The following FER1L6 variants were observed in gnomAD, a reference collection of about 807,000 sequenced individuals.
FER1L6 encodes fer-1-like protein 6.
Under a neutral mutation model 219.2 loss-of-function variants are expected in FER1L6, and 177 were observed. The ratio of observed to expected loss-of-function variants is 0.81; its 90% CI spans 0.71 to 0.91. FER1L6 has a LOEUF of 0.91. Ranked by LOEUF, FER1L6 falls within the 40% of genes least tolerant of loss-of-function variation. FER1L6 has a pLI of 0.00. For missense variants in FER1L6, 2,153 were observed against 2,259.9 expected (o/e 0.95, Z 0.96); for synonymous variants, 768 against 824.3 (o/e 0.93, Z 1.17).
chr8:123,956,290 G>T (rs1424017913), intron 2 of FER1L6, among the ~76,000 whole-genome samples: 1 of 152,238 alleles, frequency 6.6e-6, no homozygotes, highest in African/African-American at 2.4e-5. Context: ...GGCATGTAAG[G>T]GGTCCCTGTG....
intron 1 of FER1L6, among the ~76,000 whole-genome samples, chr8:123,872,469 T>C (rs1816941331): frequency 6.6e-6 from 1 of 152,118 alleles, no homozygotes; most frequent in Admixed American, 6.6e-5. Context: ...GGTAGTTAAA[T>C]GTAATGGGGT....
rs1266129283 is a variant in FER1L6 at position 124,035,320 on chromosome 8, T to C, written c.2330T>C (p.Val777Ala). 1 of 1,614,128 alleles carries C rather than the reference T, an allele frequency of 6.2e-7. No individual in the cohort carries two copies. Among genetic ancestry groups the C allele is most frequent in the East Asian group, 2.2e-5 (1 of 44,884 alleles). The change falls in exon 19 of 41, where the codon GTC becomes GCC. Residue 777 changes from valine to alanine, a missense_variant. Val to Ala is a moderately conservative substitution (Grantham distance 64). Coordinates refer to ENST00000522917, the MANE Select transcript of FER1L6 (RefSeq NM_001039112.2). ...GCTGGTTGGTCTGTGCAAGCAAAAG[T>C]CGACGTGTACCTGTGGCTGGGCTCC... The part of the protein sequence containing the change: ...RPAGWSVQAK[V>A]DVYLWLGSIK...
intron 1 of FER1L6, among the ~76,000 whole-genome samples, chr8:123,898,846 T>TAC (rs200448205): frequency 7.1e-5 from 9 of 126,802 alleles, no homozygotes; most frequent in South Asian, 2.6e-4. Context: ...TACATACATA[T>TAC]ATACACACAC....
chr8:123,935,958 A>AT (rs1475576750), intron 1 of FER1L6, among the ~76,000 whole-genome samples: 1 of 151,966 alleles, frequency 6.6e-6, no homozygotes, highest in Non-Finnish European at 1.5e-5. Flanking sequence ...AAAAAAAAAA[A>AT]AAAATCAAAT....
intron 18 of FER1L6, among the ~76,000 whole-genome samples, chr8:124,027,365 G>A (rs1219856625): frequency 6.6e-6 from 1 of 152,106 alleles, no homozygotes; most frequent in African/African-American, 2.4e-5. Flanking sequence ...TTCATTAAAT[G>A]GAGATCATGG....
chr8:124,093,174 A>G (rs1822120532), intron 34 of FER1L6, among the ~76,000 whole-genome samples: 1 of 152,016 alleles, frequency 6.6e-6, no homozygotes, highest in African/African-American at 2.4e-5. Context: ...TATCACGAGA[A>G]CAGCACTAGG....
intron 6 of FER1L6, among the ~76,000 whole-genome samples, chr8:123,971,913 T>C (rs1220092905): frequency 6.6e-6 from 1 of 152,192 alleles, no homozygotes; most frequent in African/African-American, 2.4e-5. Flanking sequence ...CACACCAGGA[T>C]TGCCTGGCAC....
Position 123,905,066 on chromosome 8 carries a change from C to T in FER1L6, c.-7-50926C>T, listed in dbSNP as rs150149767. On this transcript the variant is annotated intron_variant, in intron 1 of 40. Transcript: ENST00000522917. ...TTCATTTTAGCTAGGATCTAGGAAA[C>T]TAATTCAATCCCACTTAAATTTTTT... Among the ~76,000 whole-genome samples the T allele has an allele frequency of 6.6e-3, 999 of 152,276 alleles. 7 individuals are homozygous for T. The highest frequency in any genetic ancestry group is 0.023 in the African/African-American group (937 of 41,554).
chr8:123,860,067 T>C (rs1017913023), intron 1 of FER1L6, among the ~76,000 whole-genome samples: 3 of 142,908 alleles, frequency 2.1e-5, no homozygotes, highest in Non-Finnish European at 4.5e-5. Flanking sequence ...GCCATGCTGG[T>C]GCACTGCACC....
At chr8:123,904,224 T>TG in intron 1 of FER1L6, among the ~76,000 whole-genome samples, 1 of 139,486 alleles carries the variant, frequency 7.2e-6, no homozygotes, top group African/African-American at 2.7e-5. Flanking sequence ...CTCTGTATAT[T>TG]TGTGTGTGTG....
intron 1 of FER1L6, among the ~76,000 whole-genome samples, chr8:123,864,833 A>G (rs1201297030): frequency 3.3e-5 from 5 of 150,312 alleles, no homozygotes; most frequent in Non-Finnish European, 7.4e-5. Flanking sequence ...CAGCTCCATC[A>G]TCTCCTTTAA....
chr8:124,116,435 C>G (rs1297141500), intron 39 of FER1L6, among the ~76,000 whole-genome samples: 2 of 144,562 alleles, frequency 1.4e-5, no homozygotes, highest in Admixed American at 7.0e-5. Context: ...TATAAAGTGC[C>G]ATAGCCAAAA....
In FER1L6 at chr8:124,109,347, T is replaced by A. The variant is rs370163894; in HGVS notation, c.5289+6038T>A. ...GGCTTTCCAGTTGATTGGCACCATC[T>A]TATCAGTTCTTTACTGTACACGTGG... On this transcript the variant is annotated intron_variant, in intron 39 of 40. Transcript: ENST00000522917. Among the ~76,000 whole-genome samples the A allele has an allele frequency of 2.2e-4, 33 of 152,298 alleles. No individual in the cohort carries two copies. In the South Asian group the frequency reaches 6.8e-3, roughly 32 times the overall value.
Position 124,045,787 on chromosome 8 carries a change from T to G in FER1L6, c.2610T>G (p.Ser870=), listed in dbSNP as rs1350262172. 1 of 1,614,106 alleles carries G rather than the reference T, an allele frequency of 6.2e-7. No individual in the cohort carries two copies. The highest frequency in any genetic ancestry group is 1.1e-5 in the South Asian group (1 of 91,082). Residue 870 remains serine, a synonymous_variant, in exon 21 of 41, where the codon TCT becomes TCG. Transcript: ENST00000522917. ...TCCAGATAATCTCCCAGACCCTCTC[T>G]CCGACCTGGAACCAGATGCTGCTGT... ...QTTKIISQTL[S]PTWNQMLLFN...
intron 1 of FER1L6, chr8:123,924,680 A>G (rs1813496488): frequency 6.6e-6 from 1 of 152,172 alleles, no homozygotes. Flanking sequence ...TATATAATAC[A>G]TTTTCTCTGC....
intron 17 of FER1L6, 33 bp from the exon 18 acceptor site, chr8:124,023,411 C>G: frequency 1.2e-6 from 2 of 1,602,484 alleles, no homozygotes; most frequent in South Asian, 2.2e-5. Flanking sequence ...AAATCCCATT[C>G]CTATTCAATC....
At chr8:124,097,566 A>T (rs181222964) in intron 36 of FER1L6, among the ~76,000 whole-genome samples, 173 of 152,238 alleles carry the variant, frequency 1.1e-3, no homozygotes, top group African/African-American at 3.9e-3. Flanking sequence ...GCTGGTTAAG[A>T]GAAGGAAGAC....
chr8:123,932,887 A>G (rs1813829115), intron 1 of FER1L6, among the ~76,000 whole-genome samples: 1 of 152,202 alleles, frequency 6.6e-6, no homozygotes. Flanking sequence ...CCAACCAAAC[A>G]AGCTATTGCT....
At chr8:124,116,264 T>C (rs1823239369) in intron 39 of FER1L6, among the ~76,000 whole-genome samples, 1 of 151,954 alleles carries the variant, frequency 6.6e-6, no homozygotes, top group Non-Finnish European at 1.5e-5. Context: ...AGGGCATGCA[T>C]GAAACACCAT....
Sources: gnomAD v4.1 joint callset for allele counts (sites outside exome capture counted in the v4.1 genomes callset) on GRCh38, gnomAD v4.1.1 for gene constraint, MANE v1.5 for transcripts, NCBI Gene and HGNC (gene_info 2026-07-23, HGNC 2026-07-21) for gene names.